Variants in RLN2 observed in about 807,000 individuals in gnomAD.
RLN2 encodes the protein prorelaxin H2.
Under a neutral mutation model 7.3 loss-of-function variants are expected in RLN2, and 10 were observed. That is an observed-to-expected ratio of 1.36 (90% CI 0.84 to 2.31). The LOEUF (loss-of-function observed/expected upper bound fraction) is 2.31. Among genes scored for constraint, RLN2 ranks in the 30% most tolerant of loss-of-function variants. The pLI, the probability that RLN2 is intolerant of heterozygous loss-of-function variation, is 0.00. For synonymous variants in RLN2, 103 were observed against 82.3 expected, an observed-to-expected ratio of 1.25 and a Z score of -1.36; for missense variants, 298 against 217.6, an observed-to-expected ratio of 1.37 and a Z score of -2.32.
At chr9:5,325,647 A>G in the RLN2 span, among the ~76,000 whole-genome samples, 1 of 152,086 alleles carries the variant, frequency 6.6e-6, no homozygotes, top group African/African-American at 2.4e-5. Flanking sequence ...CCTTTCATCT[A>G]AAAACAAGAT....
the RLN2 span, among the ~76,000 whole-genome samples, chr9:5,330,810 C>T: frequency 2.9e-3 from 429 of 147,360 alleles, 20 homozygotes; most frequent in East Asian, 0.079. Flanking sequence ...AATCCAGGAG[C>T]TGGTTTTTTG....
the RLN2 span, among the ~76,000 whole-genome samples, chr9:5,325,433 A>C: frequency 1.1e-4 from 16 of 152,216 alleles, no homozygotes; most frequent in East Asian, 3.1e-3. Context: ...TTTGCATGGC[A>C]CTCAGAATGA....
At chr9:5,308,023 G>A (rs1816285484), upstream of RLN2, among the ~76,000 whole-genome samples, 1 of 151,570 alleles carries the variant, frequency 6.6e-6, no homozygotes, top group South Asian at 2.1e-4. Context: ...GTGCTACATT[G>A]GATCTGTTTT....
At chr9:5,300,932 G>A (rs1816110717) in intron 1 of RLN2, among the ~76,000 whole-genome samples, 1 of 152,176 alleles carries the variant, frequency 6.6e-6, no homozygotes, top group Non-Finnish European at 1.5e-5. Context: ...GTTACTCCTG[G>A]AGGATAAAGT....
At chr9:5,329,093 G>A in the RLN2 span, among the ~76,000 whole-genome samples, 1 of 151,592 alleles carries the variant, frequency 6.6e-6, no homozygotes, top group Non-Finnish European at 1.5e-5. Flanking sequence ...CATGAGGTCA[G>A]GAGATCGAGA....
At chr9:5,332,545 C>G in the RLN2 span, among the ~76,000 whole-genome samples, 1 of 151,286 alleles carries the variant, frequency 6.6e-6, no homozygotes, top group South Asian at 2.1e-4. Context: ...TTTAAACAGA[C>G]AGCAGATTGG....
At chr9:5,322,068 T>C in the RLN2 span, among the ~76,000 whole-genome samples, 1 of 152,066 alleles carries the variant, frequency 6.6e-6, no homozygotes, top group Non-Finnish European at 1.5e-5. Flanking sequence ...TCCGAATGGA[T>C]GGGTACAGCA....
chr9:5,335,299 T>G, the RLN2 span: 13 of 1,603,376 alleles, frequency 8.1e-6, no homozygotes, highest in Non-Finnish European at 3.4e-6. Flanking sequence ...TTAGGCAACA[T>G]TTCTCAAACA....
chr9:5,321,703 G>C, the RLN2 span, among the ~76,000 whole-genome samples: 2 of 140,558 alleles, frequency 1.4e-5, no homozygotes, highest in East Asian at 2.4e-4. Context: ...GCAAGCAATG[G>C]TCTGTGGCTT....
the RLN2 span, among the ~76,000 whole-genome samples, chr9:5,309,800 A>T: frequency 1.3e-5 from 2 of 151,978 alleles, no homozygotes; most frequent in African/African-American, 4.8e-5. Context: ...TCTGGGTTGA[A>T]GGAAATTTAT....
At chr9:5,331,310 T>C in the RLN2 span, among the ~76,000 whole-genome samples, 1 of 151,910 alleles carries the variant, frequency 6.6e-6, no homozygotes, top group African/African-American at 2.4e-5. Flanking sequence ...TTTAGGCCAA[T>C]ACCCTGATGA....
chr9:5,321,472 G>A, the RLN2 span, among the ~76,000 whole-genome samples: 1 of 151,938 alleles, frequency 6.6e-6, no homozygotes, highest in South Asian at 2.1e-4. Flanking sequence ...TTTAGATACT[G>A]TCTGTCATTT....
chr9:5,308,958 A>G (rs760263301), upstream of RLN2, among the ~76,000 whole-genome samples: 1 of 152,054 alleles, frequency 6.6e-6, no homozygotes, highest in Non-Finnish European at 1.5e-5. Context: ...TCTGTTCCCA[A>G]CTGCAACACC....
At chr9:5,307,322 AGTGT>A (rs1483396839), upstream of RLN2, among the ~76,000 whole-genome samples, 4 of 151,492 alleles carry the variant, frequency 2.6e-5, no homozygotes, top group Non-Finnish European at 5.9e-5. Context: ...ATAGATAGAT[AGTGT>A]GTGTATATAT....
At chr9:5,307,937 A>G (rs1410936865), upstream of RLN2, among the ~76,000 whole-genome samples, 1 of 151,854 alleles carries the variant, frequency 6.6e-6, no homozygotes, top group African/African-American at 2.4e-5. Context: ...CTAGTTTTGT[A>G]TTTTCTACAA....
chr9:5,301,984 ATTCAAT>A (rs760872602), intron 1 of RLN2, among the ~76,000 whole-genome samples: 1 of 152,146 alleles, frequency 6.6e-6, no homozygotes, highest in African/African-American at 2.4e-5. Context: ...CCTAAGTTTA[ATTCAAT>A]TTCATCATAA....
chr9:5,330,307 G>T, the RLN2 span, among the ~76,000 whole-genome samples: 1 of 152,066 alleles, frequency 6.6e-6, no homozygotes, highest in East Asian at 1.9e-4. Context: ...AAAGAAAGCA[G>T]GAGAGATCTA....
the RLN2 span, among the ~76,000 whole-genome samples, chr9:5,325,996 T>G: frequency 2.6e-5 from 4 of 152,092 alleles, no homozygotes; most frequent in Non-Finnish European, 2.9e-5. Flanking sequence ...CAAGTGTGGA[T>G]TTTTTTAAAT....
the RLN2 span, chr9:5,335,255 C>T: frequency 1.3e-6 from 2 of 1,575,674 alleles, no homozygotes; most frequent in Admixed American, 1.9e-5. Context: ...TTCATCTCAG[C>T]AATATTTAGC....
Sources: allele counts gnomAD v4.1 joint callset (sites outside exome capture counted in the v4.1 genomes callset), GRCh38; gene constraint gnomAD v4.1.1; transcripts MANE v1.5; gene names NCBI Gene and HGNC (gene_info 2026-07-23, HGNC 2026-07-21).